ADGRV1: variants seen among roughly 807,000 people sequenced by gnomAD.
The protein encoded by ADGRV1 is G-protein coupled receptor 98.
Under a neutral mutation model 596.2 loss-of-function variants are expected in ADGRV1, and 359 were observed. The observed-to-expected ratio is 0.60, with a 90% CI of 0.55 to 0.66. The LOEUF (loss-of-function observed/expected upper bound fraction) is 0.66, where lower values mean the gene tolerates loss of function less well. Among genes scored for constraint, ADGRV1 ranks in the 30% least tolerant of loss-of-function variants. The pLI is 0.00. For missense variants in ADGRV1, 7,274 were observed against 7,575.6 expected (o/e 0.96, Z 1.48); for synonymous variants, 2,681 against 2,679.2 (o/e 1.00, Z -0.02).
At chr5:90,689,332 CTTTTT>C (rs34756274) in intron 29 of ADGRV1, among the ~76,000 whole-genome samples, 4 of 104,436 alleles carry the variant, frequency 3.8e-5, no homozygotes, top group Admixed American at 1.0e-4. Context: ...CCCCACCCAC[CTTTTT>C]TTTTTTTTTT....
At chr5:90,926,942 T>C (rs1164712874) in intron 83 of ADGRV1, among the ~76,000 whole-genome samples, 1 of 152,022 alleles carries the variant, frequency 6.6e-6, no homozygotes, top group East Asian at 1.9e-4. Flanking sequence ...AGTTGAGCGG[T>C]TGTGAGTGAG....
intron 1 of ADGRV1, among the ~76,000 whole-genome samples, chr5:90,603,932 G>T (rs542012838): frequency 7.1e-6 from 1 of 140,964 alleles, no homozygotes; most frequent in Non-Finnish European, 1.5e-5. Context: ...ACACATGCAC[G>T]CTCACCACCT....
intron 87 of ADGRV1, among the ~76,000 whole-genome samples, chr5:91,102,817 G>A (rs2126649957): frequency 6.6e-6 from 1 of 152,302 alleles, no homozygotes; most frequent in Middle Eastern, 3.4e-3. Context: ...CCTAAGTCCA[G>A]CAGTGCCCAG....
intron 45 of ADGRV1, among the ~76,000 whole-genome samples, 165 bp downstream of exon 45, chr5:90,721,224 C>T (rs1750878860): frequency 6.6e-6 from 1 of 152,074 alleles, no homozygotes; most frequent in South Asian, 2.1e-4. Context: ...AGGCTGGGCG[C>T]TCATGTGTTG....
chr5:90,656,545 A>G (rs1353273386), intron 20 of ADGRV1, among the ~76,000 whole-genome samples: 2 of 152,184 alleles, frequency 1.3e-5, no homozygotes. Context: ...AGGAGAGACA[A>G]CATAGGATTT....
intron 83 of ADGRV1, among the ~76,000 whole-genome samples, chr5:90,884,562 A>G (rs1237445564): frequency 6.6e-6 from 1 of 152,148 alleles, no homozygotes; most frequent in Non-Finnish European, 1.5e-5. Context: ...AGTGGTATGT[A>G]TCAGGTGCCT....
At chr5:90,598,842 C>A (rs1761045105) in intron 1 of ADGRV1, among the ~76,000 whole-genome samples, 1 of 152,184 alleles carries the variant, frequency 6.6e-6, no homozygotes, top group African/African-American at 2.4e-5. Flanking sequence ...CTAGTTCATA[C>A]TTGTTACATG....
chr5:90,845,253 T>C (rs1197254121), intron 78 of ADGRV1, among the ~76,000 whole-genome samples: 1 of 152,196 alleles, frequency 6.6e-6, no homozygotes, highest in Admixed American at 6.5e-5. Context: ...CCTTCTGCCT[T>C]AGTTTCCCTA....
At chr5:90,562,103 T>A (rs1000082298) in intron 1 of ADGRV1, among the ~76,000 whole-genome samples, 3 of 152,030 alleles carry the variant, frequency 2.0e-5, no homozygotes, top group Admixed American at 2.0e-4. Flanking sequence ...CGAATCAGGG[T>A]GAGAGCTGAA....
At chr5:90,661,329 T>C (rs1770261327) in intron 21 of ADGRV1, among the ~76,000 whole-genome samples, 4 of 152,200 alleles carry the variant, frequency 2.6e-5, no homozygotes, top group South Asian at 2.1e-4. Context: ...TTATAAACTA[T>C]GGCTTAAGAA....
chr5:90,908,039 C>T lies in ADGRV1; in HGVS notation c.17856+44182C>T, dbSNP rs551606187. ...TTAAGTTTTCTATTTTTAGTAGAGA[C>T]GGGCTTTCACCACGTCTCTCTGGCT... On this transcript the variant is annotated intron_variant, in intron 83 of 89. Coordinates refer to ENST00000405460, the MANE Select transcript of ADGRV1 (RefSeq NM_032119.4). 1.4e-3 allele frequency among the ~76,000 whole-genome samples: 220 copies of T among 151,940 alleles called. 1 individual carries two copies. The highest frequency in any genetic ancestry group is 6.8e-3 in the Middle Eastern group (2 of 294).
intron 77 of ADGRV1, among the ~76,000 whole-genome samples, chr5:90,834,004 A>G (rs1202604992): frequency 6.6e-6 from 1 of 152,210 alleles, no homozygotes; most frequent in East Asian, 1.9e-4. Context: ...ACAAACAAGC[A>G]AAGAGGAAAC....
intron 17 of ADGRV1, among the ~76,000 whole-genome samples, chr5:90,648,474 A>G (rs1158323809): frequency 6.6e-6 from 1 of 152,070 alleles, no homozygotes; most frequent in Non-Finnish European, 1.5e-5. Flanking sequence ...ACATTAGTGT[A>G]TTTTCTCCTA....
In ADGRV1 at chr5:91,111,680, T is replaced by C. The variant is rs1582092131; in HGVS notation, c.18432+9340T>C. 1.3e-5 allele frequency among the ~76,000 whole-genome samples: 2 copies of C among 152,332 alleles called. 1 individual carries two copies. On this transcript the variant is annotated intron_variant, in intron 87 of 89. Transcript: ENST00000405460. Reference sequence around the variant, plus strand: ...AATAAGAAATGTCACTTTGTTTCCATTGGAGACTAGCACATGAACTATTCA... The same window carrying C: ...AATAAGAAATGTCACTTTGTTTCCACTGGAGACTAGCACATGAACTATTCA...
At chr5:90,998,347 C>T (rs1297172818) in intron 85 of ADGRV1, among the ~76,000 whole-genome samples, 1 of 151,870 alleles carries the variant, frequency 6.6e-6, no homozygotes, top group East Asian at 1.9e-4. Flanking sequence ...CACACAATCA[C>T]AACAAAAATG....
Position 91,072,554 on chromosome 5 carries a change from CA to C in ADGRV1, c.18261del (p.Gln6088SerfsTer20), listed in dbSNP as rs1422367603. On this transcript the variant is annotated frameshift_variant, in exon 86 of 90. Transcript: ENST00000405460. LOFTEE classifies it high-confidence loss of function. ...VVFIHAYQVK[P>X]QWKAYDDVFR... Reference sequence around the variant, plus strand: ...TTCATCCATGCCTACCAGGTGAAGCCACAGTGGAAAGCATATGATGATGTCT... The same window carrying C: ...TTCATCCATGCCTACCAGGTGAAGCCCAGTGGAAAGCATATGATGATGTCT... The C allele has an allele frequency of 6.2e-7, 1 of 1,613,852 alleles. No individual in the cohort carries two copies. The highest frequency in any genetic ancestry group is 1.7e-5 in the Admixed American group (1 of 60,010).
chr5:90,810,865 C>G lies in ADGRV1; in HGVS notation c.15605C>G (p.Ser5202Cys), dbSNP rs1294310255. 1.9e-6 allele frequency: 3 copies of G among 1,613,904 alleles called. No homozygotes were observed. The highest frequency in any genetic ancestry group is 3.3e-5 in the Admixed American group (2 of 60,008). Residue 5202 changes from serine (S) to cysteine (C), a missense_variant, in exon 74 of 90, where the codon TCT becomes TGT. Physicochemically the swap from Ser to Cys is moderately radical, Grantham distance 112 (BLOSUM62 -1). Coordinates refer to ENST00000405460, the MANE Select transcript of ADGRV1 (RefSeq NM_032119.4). ...ACCCTTCATGGCACACCTGCTGTGT[C>G]TGAAAAGCCTGATGTGGCCACTGTA... is the stretch of plus-strand genomic sequence containing the variant. ...LVTLHGTPAV[S>C]EKPDVATVTA... is the part of the protein sequence containing the mutation.
In ADGRV1 at chr5:90,647,754, G is replaced by T. The variant is rs2366777; in HGVS notation, c.3279G>T (p.Leu1093Phe). ...ETDEPFYIIL[L>F]NSTGDTVVYQ... ...ATGAGCCCTTTTATATAATCCTCTT[G>T]AATTCAACAGGTAAGTAAATTATGC... Residue 1093 changes from leucine to phenylalanine, a missense_variant, in exon 17 of 90, where the codon TTG (leucine) becomes TTT (phenylalanine). Physicochemically the swap from Leu to Phe is conservative, Grantham distance 22. Coordinates refer to ENST00000405460, the MANE Select transcript of ADGRV1 (RefSeq NM_032119.4). The T allele has an allele frequency of 0.67, 1,078,936 of 1,609,430 alleles. 366,496 individuals are homozygous for T. The highest frequency in any genetic ancestry group is 0.91 in the African/African-American group (68,357 of 74,870).
intron 72 of ADGRV1, among the ~76,000 whole-genome samples, chr5:90,806,952 A>G (rs1481300428): frequency 6.6e-6 from 1 of 151,942 alleles, no homozygotes; most frequent in Non-Finnish European, 1.5e-5. Flanking sequence ...TCCCGGGCTC[A>G]AGGTATTCTC....
Sources: gnomAD v4.1 joint callset for allele counts (sites outside exome capture counted in the v4.1 genomes callset) on GRCh38, gnomAD v4.1.1 for gene constraint, MANE v1.5 for transcripts, NCBI Gene and HGNC (gene_info 2026-07-23, HGNC 2026-07-21) for gene names.